Variants in CACNA1E observed in about 807,000 individuals in gnomAD.
CACNA1E encodes voltage-dependent R-type calcium channel subunit alpha-1E.
CACNA1E carries 40 observed loss-of-function variants against 259.2 expected under a neutral mutation model. That is an observed-to-expected ratio of 0.15 (90% confidence interval 0.12 to 0.20). The LOEUF is 0.20. Among genes scored for constraint, CACNA1E ranks in the 10% least tolerant of loss-of-function variants. The pLI, the probability that CACNA1E is intolerant of heterozygous loss-of-function variation, is 1.00. For synonymous variants in CACNA1E, 1,104 were observed against 1,138.5 expected (o/e 0.97, Z 0.61); for missense variants, 1,874 against 3,040.1 (o/e 0.62, Z 9.02).
In CACNA1E at chr1:181,418,660, T is replaced by G. The variant is rs779105330; in HGVS notation, c.434+5080T>G. ...AACCTGCTTCTCTTGTAGTTTTCTC[T>G]TTCATTAAACCTACATTTTTTCTGT... On this transcript the variant is annotated intron_variant, in intron 2 of 11. Coordinates refer to the CACNA1E transcript ENST00000524607. 8.5e-5 allele frequency among the ~76,000 whole-genome samples: 13 copies of G among 152,264 alleles called. No individual in the cohort carries two copies. In the South Asian group the frequency reaches 1.5e-3, roughly 17 times the overall value.
At chr1:181,587,934 C>G (rs1216600073) in intron 6 of CACNA1E, among the ~76,000 whole-genome samples, 1 of 152,214 alleles carries the variant, frequency 6.6e-6, no homozygotes, top group Admixed American at 6.5e-5. Flanking sequence ...ATCTGCTGGA[C>G]AAATTCAGTC....
chr1:181,590,416 A>AT lies in CACNA1E; in HGVS notation c.951+9640_951+9641insT, dbSNP rs1419171903. ...GAGTCAATTACAAAAAAAAAAAAAA[A>AT]ATATATATATATATATATATTGTAT... is the stretch of plus-strand genomic sequence containing the variant. On this transcript the variant is annotated intron_variant, in intron 6 of 47. Coordinates refer to ENST00000367573, the MANE Select transcript of CACNA1E (RefSeq NM_001205293.3). 4.9e-3 allele frequency among the ~76,000 whole-genome samples: 566 copies of AT among 115,840 alleles called. 4 individuals carry two copies. The highest frequency in any genetic ancestry group is 0.012 in the African/African-American group (321 of 26,960). 76.0% of individuals were successfully genotyped at this position (115,840 alleles called of 152,430 possible).
At position 181,776,351 on chromosome 1, in the gene CACNA1E, C is replaced by G. The variant is rs938179357; in HGVS notation, c.5267+123C>G. On this transcript the variant is annotated intron_variant, in intron 38 of 47. Coordinates refer to ENST00000367573, the MANE Select transcript of CACNA1E (RefSeq NM_001205293.3). The surrounding 1 kb of genome is among the most constrained non-coding windows in gnomAD (Gnocchi z 4.4). ...TGTTACAGAAGGAAAGGAGATTCCT[C>G]TTGATTGTGGCCCATAGAAGAGGCT... The G allele has an allele frequency of 2.0e-6, 2 of 1,004,484 alleles. No homozygotes were observed. The highest frequency in any genetic ancestry group is 1.5e-6 in the Non-Finnish European group (1 of 649,168). 62.2% of individuals were successfully genotyped at this position (1,004,484 alleles called of 1,614,324 possible).
intron 33 of CACNA1E, 89 bp from the exon 34 acceptor site, chr1:181,763,317 A>T (rs777578253): frequency 3.0e-4 from 322 of 1,056,066 alleles, no homozygotes; most frequent in Non-Finnish European, 4.3e-4. Context: ...CATTTATCGG[A>T]ATGAGGGATA....
At chr1:181,444,956 G>C (rs956578258) in intron 2 of CACNA1E, among the ~76,000 whole-genome samples, 1 of 152,036 alleles carries the variant, frequency 6.6e-6, no homozygotes, top group Non-Finnish European at 1.5e-5. Context: ...TTTGACTTCT[G>C]ATCTTTCAGA....
chr1:181,334,225 C>T (rs1392407390), intron 1 of CACNA1E, among the ~76,000 whole-genome samples: 2 of 152,210 alleles, frequency 1.3e-5, no homozygotes, highest in East Asian at 3.8e-4. Flanking sequence ...GCCCTCTCCT[C>T]GTGTTCATTG....
At chr1:181,536,673 A>G (rs1487881465) in intron 3 of CACNA1E, among the ~76,000 whole-genome samples, 1 of 152,174 alleles carries the variant, frequency 6.6e-6, no homozygotes, top group Non-Finnish European at 1.5e-5. Context: ...TCTTGGAAGG[A>G]GAATACCTAT....
At chr1:181,482,930 C>A (rs775763994), upstream of CACNA1E, among the ~76,000 whole-genome samples, 23 of 152,294 alleles carry the variant, frequency 1.5e-4, no homozygotes, top group Non-Finnish European at 2.8e-4. Context: ...GGCACTCAGG[C>A]TTCGCTGCTC....
chr1:181,348,403 A>G (rs1410709925), intron 1 of CACNA1E, among the ~76,000 whole-genome samples: 1 of 152,022 alleles, frequency 6.6e-6, no homozygotes, highest in African/African-American at 2.4e-5. Context: ...CATCTAGTGC[A>G]TTCCCCATTT....
At chr1:181,519,183 C>A (rs1666817653) in intron 3 of CACNA1E, among the ~76,000 whole-genome samples, 1 of 152,182 alleles carries the variant, frequency 6.6e-6, no homozygotes. Flanking sequence ...AATGCGAACT[C>A]TATAGATTTA....
At chr1:181,426,624 ACTCAACCCCTTCCCAT>A (rs1557995540) in intron 2 of CACNA1E, among the ~76,000 whole-genome samples, 3 of 111,854 alleles carry the variant, frequency 2.7e-5, no homozygotes, top group Non-Finnish European at 1.9e-5. Flanking sequence ...CCCCTTCCCA[ACTCAACCCCTTCCCAT>A]CTCAACCCCT....
chr1:181,385,310 A>G (rs1557960020), intron 1 of CACNA1E, among the ~76,000 whole-genome samples: 1 of 152,236 alleles, frequency 6.6e-6, no homozygotes, highest in East Asian at 1.9e-4. Flanking sequence ...CTGTTGAAAA[A>G]CAGGCAGTGA....
chr1:181,428,725 A>G (rs1223819984), intron 2 of CACNA1E, among the ~76,000 whole-genome samples: 1 of 152,182 alleles, frequency 6.6e-6, no homozygotes, highest in East Asian at 1.9e-4. Context: ...CTTTCAAACC[A>G]AAGTTCCTTT....
chr1:181,540,371 C>G (rs1668490767), intron 3 of CACNA1E, among the ~76,000 whole-genome samples: 1 of 152,112 alleles, frequency 6.6e-6, no homozygotes, highest in African/African-American at 2.4e-5. Flanking sequence ...GTAGTGTGTA[C>G]TCCTTGTGTG....
intron 7 of CACNA1E, among the ~76,000 whole-genome samples, chr1:181,699,491 A>C (rs1652026008): frequency 6.6e-6 from 1 of 152,214 alleles, no homozygotes; most frequent in African/African-American, 2.4e-5. Flanking sequence ...GGAGGGTCTC[A>C]TAGGCCACAA....
At chr1:181,373,339 A>G (rs906318895) in intron 1 of CACNA1E, among the ~76,000 whole-genome samples, 3 of 151,966 alleles carry the variant, frequency 2.0e-5, no homozygotes, top group East Asian at 3.9e-4. Flanking sequence ...CAGGACTTCA[A>G]TTTCTTCCTG....
At chr1:181,685,962 G>A (rs1188667324) in intron 7 of CACNA1E, among the ~76,000 whole-genome samples, 2 of 152,078 alleles carry the variant, frequency 1.3e-5, no homozygotes, top group African/African-American at 4.8e-5. Context: ...AGTTAGACCT[G>A]TAGAGTGCTT....
chr1:181,431,518 T>C (rs1171789643), intron 2 of CACNA1E, among the ~76,000 whole-genome samples: 5 of 152,200 alleles, frequency 3.3e-5, no homozygotes. Flanking sequence ...TAGCTTCTAC[T>C]TCCTTCATGA....
intron 7 of CACNA1E, among the ~76,000 whole-genome samples, chr1:181,666,571 T>G (rs1432709463): frequency 6.6e-6 from 1 of 152,072 alleles, no homozygotes; most frequent in Non-Finnish European, 1.5e-5. Flanking sequence ...TATCTGAAAA[T>G]GTAAATGTAT....
Sources: gnomAD v4.1 joint callset for allele counts (sites outside exome capture counted in the v4.1 genomes callset) on GRCh38, gnomAD v4.1.1 for gene constraint, Gnocchi (gnomAD v3.1) non-coding constraint, MANE v1.5 for transcripts, NCBI Gene and HGNC (gene_info 2026-07-23, HGNC 2026-07-21) for gene names.